HOXA2: variants seen among roughly 807,000 people sequenced by gnomAD.
The protein encoded by HOXA2 is homeobox A2, also known as homeobox protein Hox-A2.
Under a neutral mutation model 27.2 loss-of-function variants are expected in HOXA2, and 4 were observed. The ratio of observed to expected loss-of-function variants is 0.15; its 90% CI spans 0.07 to 0.34. The LOEUF (loss-of-function observed/expected upper bound fraction) is 0.34, where lower values mean the gene tolerates loss of function less well. Among genes scored for constraint, HOXA2 ranks in the 10% least tolerant of loss-of-function variants. HOXA2 has a pLI of 1.00. For synonymous variants in HOXA2, 200 were observed against 202.8 expected (o/e 0.99, Z 0.12); for missense variants, 430 against 473.2 (o/e 0.91, Z 0.85).
At chr7:27,101,956 C>T (rs1783934698) in intron 1 of HOXA2, 154 bp downstream of exon 1, 1 of 1,093,412 alleles carries the variant, frequency 9.1e-7, no homozygotes, top group Admixed American at 2.0e-5. Flanking sequence ...CAAACCCACT[C>T]CTGAACCCAC....
At position 27,102,085 on chromosome 7, in the gene HOXA2, C is replaced by T. The variant is rs762324708; in HGVS notation, c.391+25G>A. ...CGGAGAAGGAAGAGGGTCCCAGAGA[C>T]CTGGGGCCAAGTCTTTGGACTGACC... On this transcript the variant is annotated intron_variant, in intron 1 of 1. Coordinates refer to ENST00000222718, the MANE Select transcript of HOXA2 (RefSeq NM_006735.4). This position sits in a 1 kb window ranked among gnomAD's most constrained non-coding sequence, Gnocchi z 4.6. The T allele has an allele frequency of 1.0e-4, 166 of 1,606,240 alleles. No individual in the cohort carries two copies. Among genetic ancestry groups the T allele is most frequent in the Non-Finnish European group, 1.3e-4 (158 of 1,177,316 alleles).
chr7:27,101,536 A>T (rs1342711241), intron 1 of HOXA2, 71 bp from the exon 2 acceptor site: 3 of 1,527,004 alleles, frequency 2.0e-6, no homozygotes, highest in East Asian at 4.5e-5. Flanking sequence ...GGGTTATTCC[A>T]CTGGAGAATA....
chr7:27,101,643 C>T, intron 1 of HOXA2, 178 bp from the exon 2 acceptor site: 1 of 741,808 alleles, frequency 1.3e-6, no homozygotes, highest in Non-Finnish European at 2.3e-6. Flanking sequence ...TGGGCAGACC[C>T]CGTCTCCTCC....
At position 27,100,533 on chromosome 7, in the gene HOXA2, C is replaced by G. The variant is rs1041474296; in HGVS notation, c.*193G>C. 1.6e-5 allele frequency: 10 copies of G among 641,842 alleles called. No homozygotes were observed. 39.8% of individuals were successfully genotyped at this position (641,842 alleles called of 1,614,324 possible). On this transcript the variant is annotated 3_prime_UTR_variant, in exon 2 of 2. Coordinates refer to ENST00000222718, the MANE Select transcript of HOXA2 (RefSeq NM_006735.4). ...GTTAGGTTTAAAACAACTAAAACTC[C>G]AAAATAATCTGTAAAAGATGGCTCT... is the stretch of plus-strand genomic sequence containing the variant.
Position 27,100,682 on chromosome 7 carries a change from A to G in HOXA2, c.*44T>C. On this transcript the variant is annotated 3_prime_UTR_variant, in exon 2 of 2. Coordinates refer to ENST00000222718, the MANE Select transcript of HOXA2 (RefSeq NM_006735.4). ...TAAAAGAAGGCAAAACCACCTGGTC[A>G]AAGGAGTTTTTGTTTGGTGATGCTT... The G allele has an allele frequency of 6.2e-7, 1 of 1,610,216 alleles. No homozygotes were observed.
Position 27,101,064 on chromosome 7 carries a change from G to T in HOXA2, c.793C>A (p.His265Asn). ...GGGAAACTTTGGGAGTCGCCATTGT[G>T]TCCATTGGGAGCCTGCTGCTGAGAG... Reference protein sequence around the residue: ...ALSQQQAPNGHNGDSQSFPVS... With the variant: ...ALSQQQAPNGNNGDSQSFPVS... Residue 265 changes from histidine (H) to asparagine (N), a missense_variant, in exon 2 of 2, where the codon CAC (histidine) becomes AAC (asparagine). Around this residue, in one of 4 missense-constraint regions of HOXA2, gnomAD observed 236 missense variants for 208.5 expected, o/e 1.13. Coordinates refer to ENST00000222718, the MANE Select transcript of HOXA2 (RefSeq NM_006735.4). 2 of 1,614,210 alleles carry T rather than the reference G, an allele frequency of 1.2e-6. No homozygotes were observed. Among genetic ancestry groups the T allele is most frequent in the Non-Finnish European group, 1.7e-6 (2 of 1,180,042 alleles).
In HOXA2 at chr7:27,102,588, A is replaced by T; in HGVS notation, c.-88T>A. ...CAAGGCCTAGGAAAAAGGCGAGCGC[A>T]GAGGAAAAAAAATCTATCATAGAAT... On this transcript the variant is annotated 5_prime_UTR_variant, in exon 1 of 2. Transcript: ENST00000222718. This position sits in a 1 kb window ranked among gnomAD's most constrained non-coding sequence, Gnocchi z 4.6. The T allele has an allele frequency of 7.5e-7, 1 of 1,326,854 alleles. No homozygotes were observed. Among genetic ancestry groups the T allele is most frequent in the Non-Finnish European group, 1.1e-6 (1 of 937,334 alleles). The allele number at this position is 1,326,854 out of a possible 1,614,324, so 82.2% of individuals were successfully genotyped here.
chr7:27,102,250 G>A lies in HOXA2; in HGVS notation c.251C>T (p.Pro84Leu). 6.7e-7 allele frequency: 1 copy of A among 1,500,078 alleles called. No homozygotes were observed. Among genetic ancestry groups the A allele is most frequent in the Non-Finnish European group, 8.9e-7 (1 of 1,124,330 alleles). 92.9% of individuals were successfully genotyped at this position (1,500,078 alleles called of 1,614,324 possible). A position where few individuals can be genotyped will look rare whatever the true frequency, so the allele number is the denominator to read the frequency against. ...KPSPAGSRGS[P>L]VPAGALQPPE... ...CGGCTGCAGGGCGCCGGCGGGCACCGGGCTGCCGCGGCTGCCCGCGGGGCT... is the reference window on the plus strand; with the variant it reads ...CGGCTGCAGGGCGCCGGCGGGCACCAGGCTGCCGCGGCTGCCCGCGGGGCT... The change falls in exon 1 of 2, where the codon CCG (proline) becomes CTG (leucine). Residue 84 changes from proline to leucine, a missense_variant. Around this residue, in one of 4 missense-constraint regions of HOXA2, gnomAD observed 166 missense variants for 207.6 expected, o/e 0.80. Transcript: ENST00000222718. The surrounding 1 kb of genome is among the most constrained non-coding windows in gnomAD (Gnocchi z 4.6).
At chr7:27,101,766 G>T in intron 1 of HOXA2, 1 of 680,350 alleles carries the variant, frequency 1.5e-6, no homozygotes, top group Non-Finnish European at 2.7e-6. Context: ...AGCTGAGCAA[G>T]AGCGATCTAT....
rs1264975448 is a variant in HOXA2 at position 27,100,757 on chromosome 7, G to T, written c.1100C>A (p.Thr367Asn). Residue 367 changes from threonine (T) to asparagine (N), a missense_variant, in exon 2 of 2, where the codon ACC (threonine) becomes AAC (asparagine). Thr to Asn is a moderately conservative substitution (Grantham distance 65). Transcript: ENST00000222718. ...DSLDFFTDTLTTIDLQHLNY is the reference protein window; with the variant it reads ...DSLDFFTDTLNTIDLQHLNY Reference sequence around the variant, plus strand: ...ATTCAGATGCTGCAAGTCGATTGTGGTGAGTGTGTCTGTAAAAAAGTCTAA... The same window carrying T: ...ATTCAGATGCTGCAAGTCGATTGTGTTGAGTGTGTCTGTAAAAAAGTCTAA... The T allele has an allele frequency of 6.2e-7, 1 of 1,614,220 alleles. No individual in the cohort carries two copies. The highest frequency in any genetic ancestry group is 2.2e-5 in the East Asian group (1 of 44,894).
rs780934791 is a variant in HOXA2, at chr7:27,100,868, G to A, written c.989C>T (p.Thr330Ile). ...ATCTGAAAGCTGCAGGCAGGAATCT[G>A]TGGAGAAAACGCTAAAGTCCTGCAA... Reference protein sequence around the residue: ...PSLQDFSVFSTDSCLQLSDAV... With the variant: ...PSLQDFSVFSIDSCLQLSDAV... Residue 330 changes from threonine to isoleucine, a missense_variant, in exon 2 of 2, where the codon ACA becomes ATA. By Grantham distance (89) the Thr-to-Ile change is moderately conservative (BLOSUM62 -1). Coordinates refer to ENST00000222718, the MANE Select transcript of HOXA2 (RefSeq NM_006735.4). 1.2e-6 allele frequency: 2 copies of A among 1,614,134 alleles called. No individual in the cohort carries two copies. Among genetic ancestry groups the A allele is most frequent in the African/African-American group, 1.3e-5 (1 of 74,950 alleles).
rs777919936 is a variant in HOXA2, at chr7:27,100,857, G to C, written c.1000C>G (p.Leu334Val). The C allele has an allele frequency of 1.9e-6, 3 of 1,614,240 alleles. No homozygotes were observed. The East Asian group carries it at 6.7e-5, about 36-fold the overall frequency. ...GGTGAAACTGCATCTGAAAGCTGCA[G>C]GCAGGAATCTGTGGAGAAAACGCTA... is the stretch of plus-strand genomic sequence containing the variant. ...DFSVFSTDSC[L>V]QLSDAVSPSL... The change falls in exon 2 of 2, where the codon CTG (leucine) becomes GTG (valine). Residue 334 changes from leucine to valine, a missense_variant. By Grantham distance (32) the Leu-to-Val change is conservative. This residue lies in a region of HOXA2 where 236 missense variants were observed against 208.5 expected (regional missense o/e 1.13). Transcript: ENST00000222718.
Position 27,101,221 on chromosome 7 carries a change from C to A in HOXA2, c.636G>T (p.Gly212=), listed in dbSNP as rs1334384546. ...CGGAGTCCTCAAGGCTTTTACATTT[C>A]CCTTCGCTGTTTTGGTTTTCCTTGC... ...TQCKENQNSE[G]KCKSLEDSEK... is the part of the protein sequence containing the mutation. Residue 212 remains glycine, a synonymous_variant, in exon 2 of 2, where the codon GGG becomes GGT. Coordinates refer to ENST00000222718, the MANE Select transcript of HOXA2 (RefSeq NM_006735.4). 6.2e-7 allele frequency: 1 copy of A among 1,614,212 alleles called. No individual in the cohort carries two copies. Among genetic ancestry groups the A allele is most frequent in the South Asian group, 1.1e-5 (1 of 91,080 alleles).
Position 27,102,589 on chromosome 7 carries a change from G to T in HOXA2, c.-89C>A. 7.6e-7 allele frequency: 1 copy of T among 1,321,616 alleles called. No homozygotes were observed. Among genetic ancestry groups the T allele is most frequent in the Non-Finnish European group, 1.1e-6 (1 of 935,920 alleles). 81.9% of individuals were successfully genotyped at this position (1,321,616 alleles called of 1,614,324 possible). A position where few individuals can be genotyped will look rare whatever the true frequency, so the allele number is the denominator to read the frequency against. On this transcript the variant is annotated 5_prime_UTR_variant, in exon 1 of 2. The change creates a new upstream start codon in the 5' untranslated region. Coordinates refer to ENST00000222718, the MANE Select transcript of HOXA2 (RefSeq NM_006735.4). This position sits in a 1 kb window ranked among gnomAD's most constrained non-coding sequence, Gnocchi z 4.6. ...AAGGCCTAGGAAAAAGGCGAGCGCA[G>T]AGGAAAAAAAATCTATCATAGAATA...
Position 27,100,563 on chromosome 7 carries a change from G to T in HOXA2, c.*163C>A. ...TAATCTGTAAAAGATGGCTCTGTTTGAAACTGGGTCAGGGAATCACTAAAC... is the reference window on the plus strand; with the variant it reads ...TAATCTGTAAAAGATGGCTCTGTTTTAAACTGGGTCAGGGAATCACTAAAC... On this transcript the variant is annotated 3_prime_UTR_variant, in exon 2 of 2. Transcript: ENST00000222718. 1 of 738,638 alleles carries T rather than the reference G, an allele frequency of 1.4e-6. No homozygotes were observed. 45.8% of individuals were successfully genotyped at this position (738,638 alleles called of 1,614,324 possible).
rs145179287 is a variant in HOXA2 at position 27,100,416 on chromosome 7, T to C, written c.*310A>G. The C allele has an allele frequency of 4.5e-5, 15 of 335,706 alleles. No homozygotes were observed. Among genetic ancestry groups the C allele is most frequent in the African/African-American group, 2.7e-4 (13 of 47,302 alleles). The allele number at this position is 335,706 out of a possible 1,614,324, so 20.8% of individuals were successfully genotyped here. The stretch of plus-strand genomic sequence containing the variant: ...TGCATGACAATGCATCCCAATGTAA[T>C]ACAAAAATAAAAAGAAAGTGAAGAT... On this transcript the variant is annotated 3_prime_UTR_variant, in exon 2 of 2. Coordinates refer to ENST00000222718, the MANE Select transcript of HOXA2 (RefSeq NM_006735.4).
In HOXA2 at chr7:27,102,050, C is replaced by T; in HGVS notation, c.391+60G>A. On this transcript the variant is annotated intron_variant, in intron 1 of 1. Coordinates refer to ENST00000222718, the MANE Select transcript of HOXA2 (RefSeq NM_006735.4). This position sits in a 1 kb window ranked among gnomAD's most constrained non-coding sequence, Gnocchi z 4.6. Reference sequence around the variant, plus strand: ...TCTCCCCTCCCCCCACAGCCACTCTCGGGGCAGCCCGGAGAAGGAAGAGGG... The same window carrying T: ...TCTCCCCTCCCCCCACAGCCACTCTTGGGGCAGCCCGGAGAAGGAAGAGGG... 1.9e-6 allele frequency: 3 copies of T among 1,595,906 alleles called. No individual in the cohort carries two copies. The highest frequency in any genetic ancestry group is 2.6e-6 in the Non-Finnish European group (3 of 1,173,600).
At position 27,102,414 on chromosome 7, in the gene HOXA2, A is replaced by C. The variant is rs1327293289; in HGVS notation, c.87T>G (p.Ala29=). The change falls in exon 1 of 2, where the codon GCT becomes GCG. Residue 29 remains alanine (A), a synonymous_variant. Transcript: ENST00000222718. The surrounding 1 kb of genome is among the most constrained non-coding windows in gnomAD (Gnocchi z 4.6). The part of the protein sequence containing the change: ...AECLTSFPPV[A]DTFQSSSIKT... ...TGATTGATGAACTTTGAAATGTATC[A>C]GCGACAGGGGGAAAAGATGTCAGGC... The C allele has an allele frequency of 3.1e-6, 5 of 1,614,152 alleles. No homozygotes were observed. Among genetic ancestry groups the C allele is most frequent in the Non-Finnish European group, 3.4e-6 (4 of 1,180,002 alleles).
At position 27,101,165 on chromosome 7, in the gene HOXA2, G is replaced by C; in HGVS notation, c.692C>G (p.Thr231Arg). ...EKVEEDEEEK[T>R]LFEQALSVSG... is the part of the protein sequence containing the mutation. ...GACGCTAAGGGCTTGCTCAAAGAGC[G>C]TCTTCTCTTCCTCGTCCTCCTCTAC... is the stretch of plus-strand genomic sequence containing the variant. Residue 231 changes from threonine (T) to arginine (R), a missense_variant, in exon 2 of 2, where the codon ACG becomes AGG. By Grantham distance (71) the Thr-to-Arg change is moderately conservative (BLOSUM62 -1). Coordinates refer to ENST00000222718, the MANE Select transcript of HOXA2 (RefSeq NM_006735.4). 2 of 1,614,144 alleles carry C rather than the reference G, an allele frequency of 1.2e-6. No individual in the cohort carries two copies. Among genetic ancestry groups the C allele is most frequent in the Non-Finnish European group, 1.7e-6 (2 of 1,180,012 alleles).
Sources: gnomAD v4.1 joint callset for allele counts on GRCh38, gnomAD v4.1.1 for gene constraint, gnomAD v4.1.1 regional missense constraint, Gnocchi (gnomAD v3.1) non-coding constraint, MANE v1.5 for transcripts, NCBI Gene and HGNC (gene_info 2026-07-23, HGNC 2026-07-21) for gene names.